Variants in CNNM1 observed in about 807,000 individuals in gnomAD.
CNNM1 encodes metal transporter CNNM1.
CNNM1 carries 44 observed loss-of-function variants against 78.8 expected under a neutral mutation model. The ratio of observed to expected loss-of-function variants is 0.56; its 90% CI spans 0.44 to 0.72. CNNM1 has a LOEUF of 0.72. Ranked by LOEUF, CNNM1 falls within the 30% of genes least tolerant of loss-of-function variation. The pLI is 0.00. For missense variants in CNNM1, 1,101 were observed against 1,292.2 expected (o/e 0.85, Z 2.27); for synonymous variants, 584 against 581.5 (o/e 1.00, Z -0.06).
intron 1 of CNNM1, among the ~76,000 whole-genome samples, chr10:99,331,339 G>T (rs1328549538): frequency 6.6e-6 from 1 of 152,196 alleles, no homozygotes; most frequent in Non-Finnish European, 1.5e-5. Context: ...CATACAAGCA[G>T]CCTTTGCTTT....
intron 1 of CNNM1, among the ~76,000 whole-genome samples, chr10:99,356,229 GTGGATCATGAGGTCGAGGCAGA>G (rs1219602903): frequency 9.5e-4 from 145 of 152,202 alleles, no homozygotes; most frequent in African/African-American, 3.4e-3. Context: ...GCCGAGGCAG[GTGGATCATGAGGTCGAGGCAGA>G]TGGACCATGA....
intron 6 of CNNM1, among the ~76,000 whole-genome samples, chr10:99,372,179 C>G (rs753478503): frequency 6.6e-6 from 1 of 152,154 alleles, no homozygotes; most frequent in Non-Finnish European, 1.5e-5. Flanking sequence ...CATCCAGCCC[C>G]GATTACAGTG....
At chr10:99,388,064 C>T in intron 8 of CNNM1, 61 bp downstream of exon 8, 1 of 1,582,736 alleles carries the variant, frequency 6.3e-7, no homozygotes. Context: ...ACCCTGCCTT[C>T]CTCTTCTAGC....
intron 6 of CNNM1, among the ~76,000 whole-genome samples, chr10:99,374,677 A>G (rs560873289): frequency 6.6e-6 from 1 of 152,176 alleles, no homozygotes; most frequent in East Asian, 1.9e-4. Flanking sequence ...ACAAATTTAG[A>G]TTATAAACTT....
chr10:99,367,550 T>C (rs1426877439), intron 6 of CNNM1, among the ~76,000 whole-genome samples: 1 of 152,150 alleles, frequency 6.6e-6, no homozygotes, highest in Non-Finnish European at 1.5e-5. Context: ...CAGTTTGGTG[T>C]ATACATTTAT....
chr10:99,380,421 G>T lies in CNNM1; in HGVS notation c.2340+3203G>T, dbSNP rs186471754. Among the ~76,000 whole-genome samples the T allele has an allele frequency of 2.0e-4, 31 of 152,262 alleles. 1 individual carries two copies. The highest frequency in any genetic ancestry group is 7.2e-4 in the African/African-American group (30 of 41,554). On this transcript the variant is annotated intron_variant, in intron 7 of 10. Transcript: ENST00000356713. ...TTTACAGATTGGACAGTACTTTCAG[G>T]AGATGGATTTGGCAACTCCTCAGAG...
intron 1 of CNNM1, among the ~76,000 whole-genome samples, chr10:99,341,917 T>C (rs1173985571): frequency 6.6e-6 from 1 of 152,222 alleles, no homozygotes; most frequent in Non-Finnish European, 1.5e-5. Flanking sequence ...CTTAATCTTT[T>C]CTTGATGACG....
At chr10:99,342,802 C>T (rs1023414772) in intron 1 of CNNM1, among the ~76,000 whole-genome samples, 2 of 151,960 alleles carry the variant, frequency 1.3e-5, no homozygotes, top group Non-Finnish European at 1.5e-5. Context: ...ACACAAGAGG[C>T]TCTAACAGCA....
rs76133762 is a variant in CNNM1, at chr10:99,367,011, G to T, written c.2176+2009G>T. ...CTCTGTAAATCTTCAGAAGGAAAAAGAAATATTATTAGCCAATGGGGTAAA... is the reference window on the plus strand; with the variant it reads ...CTCTGTAAATCTTCAGAAGGAAAAATAAATATTATTAGCCAATGGGGTAAA... On this transcript the variant is annotated intron_variant, in intron 6 of 10. Transcript: ENST00000356713. 6.5e-4 allele frequency among the ~76,000 whole-genome samples: 99 copies of T among 152,232 alleles called. 2 individuals carry two copies. In the East Asian group the frequency reaches 0.016, roughly 24 times the overall value.
At chr10:99,379,318 C>T (rs1018344727) in intron 7 of CNNM1, among the ~76,000 whole-genome samples, 8 of 152,186 alleles carry the variant, frequency 5.3e-5, no homozygotes, top group East Asian at 3.9e-4. Flanking sequence ...TAGGTAATTT[C>T]GGGTCGTAAT....
At chr10:99,369,106 T>A (rs1041464349) in intron 6 of CNNM1, among the ~76,000 whole-genome samples, 3 of 152,250 alleles carry the variant, frequency 2.0e-5, no homozygotes, top group African/African-American at 7.2e-5. Context: ...GATGATCATA[T>A]GCTCACTAGC....
chr10:99,341,815 A>G (rs1238175819), intron 1 of CNNM1, among the ~76,000 whole-genome samples: 2 of 152,232 alleles, frequency 1.3e-5, no homozygotes, highest in African/African-American at 4.8e-5. Context: ...TTCAAATGCT[A>G]AAACTGTATA....
intron 1 of CNNM1, among the ~76,000 whole-genome samples, chr10:99,341,353 A>C (rs770073602): frequency 2.6e-5 from 4 of 152,108 alleles, no homozygotes; most frequent in Admixed American, 6.5e-5. Flanking sequence ...TCGTCTGGGC[A>C]GGTCAGTTCA....
In CNNM1 at chr10:99,348,038, GTA is replaced by G. The variant is rs1554938699; in HGVS notation, c.1574-9462_1574-9461del. Among the ~76,000 whole-genome samples the G allele has an allele frequency of 2.6e-5, 3 of 116,562 alleles. No homozygotes were observed. In the East Asian group the frequency reaches 7.7e-4, roughly 30 times the overall value. 76.5% of individuals were successfully genotyped at this position (116,562 alleles called of 152,430 possible). A position where few individuals can be genotyped will look rare whatever the true frequency, so the allele number is the denominator to read the frequency against. Reference sequence around the variant, plus strand: ...ATATATGATGTGTGTGTGTGTGTGTGTATATATATATATTTTTTTTTTTTGAG... The same window carrying G: ...ATATATGATGTGTGTGTGTGTGTGTGTATATATATATTTTTTTTTTTTGAG... On this transcript the variant is annotated intron_variant, in intron 1 of 10. Coordinates refer to ENST00000356713, the MANE Select transcript of CNNM1 (RefSeq NM_020348.3).
intron 1 of CNNM1, 38 bp from the exon 2 acceptor site, chr10:99,357,474 G>A: frequency 1.9e-6 from 3 of 1,585,056 alleles, no homozygotes; most frequent in Non-Finnish European, 2.6e-6. Flanking sequence ...CTCTGAAAAT[G>A]TCCCCGATAC....
At chr10:99,347,722 T>C (rs1007905826) in intron 1 of CNNM1, among the ~76,000 whole-genome samples, 8 of 152,020 alleles carry the variant, frequency 5.3e-5, no homozygotes, top group African/African-American at 1.9e-4. Flanking sequence ...TGGCTCCCAC[T>C]ACTTTCCTCT....
chr10:99,383,969 C>T (rs564522229), intron 7 of CNNM1, among the ~76,000 whole-genome samples: 122 of 151,366 alleles, frequency 8.1e-4, no homozygotes, highest in African/African-American at 2.8e-3. Flanking sequence ...AAGACCAGTG[C>T]GAAAAAGAAT....
intron 2 of CNNM1, among the ~76,000 whole-genome samples, chr10:99,359,004 C>CAAAAAA (rs769541046): frequency 2.1e-4 from 11 of 51,516 alleles, no homozygotes; most frequent in African/African-American, 6.4e-4. Context: ...AAGACTGTCT[C>CAAAAAA]AAAAAAAAAA....
chr10:99,359,956 C>T (rs943775792), intron 2 of CNNM1, among the ~76,000 whole-genome samples: 4 of 149,180 alleles, frequency 2.7e-5, no homozygotes, highest in Admixed American at 6.7e-5. Flanking sequence ...AAGCGGGGGC[C>T]GGGGGGGAAG....
Sources: allele counts gnomAD v4.1 joint callset (sites outside exome capture counted in the v4.1 genomes callset), GRCh38; gene constraint gnomAD v4.1.1; transcripts MANE v1.5; gene names NCBI Gene and HGNC (gene_info 2026-07-23, HGNC 2026-07-21).